Variants in MAML3 observed in about 807,000 individuals in gnomAD.
MAML3 encodes the protein mastermind like transcriptional coactivator 3.
Under a neutral mutation model 101.9 loss-of-function variants are expected in MAML3, and 27 were observed. The observed-to-expected ratio is 0.27, with a 90% CI of 0.20 to 0.37. The LOEUF (loss-of-function observed/expected upper bound fraction) is 0.37, where lower values mean the gene tolerates loss of function less well. MAML3 is among the 10% of genes least tolerant of loss of function. MAML3 has a pLI of 1.00. For missense variants in MAML3, 1,316 were observed against 1,444.9 expected, an observed-to-expected ratio of 0.91 and a Z score of 1.45; for synonymous variants, 501 against 555.9, an observed-to-expected ratio of 0.90 and a Z score of 1.39.
chr4:139,833,501 A>G (rs748688670), intron 2 of MAML3, among the ~76,000 whole-genome samples: 78 of 152,216 alleles, frequency 5.1e-4, no homozygotes, highest in Non-Finnish European at 8.7e-4. Flanking sequence ...TGGGAGGAAG[A>G]AGGGGGGCAG....
At chr4:140,010,912 G>A (rs1159477139) in intron 1 of MAML3, among the ~76,000 whole-genome samples, 2 of 151,682 alleles carry the variant, frequency 1.3e-5, no homozygotes, top group African/African-American at 4.8e-5. Context: ...AGACCAGCCT[G>A]GCCAACATGG....
intron 1 of MAML3, among the ~76,000 whole-genome samples, chr4:140,101,832 G>T (rs1178006340): frequency 6.6e-6 from 1 of 151,200 alleles, no homozygotes; most frequent in East Asian, 1.9e-4. Flanking sequence ...GCAATTCCAC[G>T]TGCTGGGTCA....
intron 2 of MAML3, among the ~76,000 whole-genome samples, chr4:139,841,004 C>A (rs1341909662): frequency 1.3e-5 from 2 of 152,102 alleles, no homozygotes; most frequent in African/African-American, 4.8e-5. Flanking sequence ...CAAAATGAAC[C>A]AAGGATTCTG....
In MAML3 at chr4:140,146,395, T is replaced by C. The variant is rs143570173; in HGVS notation, c.468+6465A>G. On this transcript the variant is annotated intron_variant, in intron 1 of 4. Transcript: ENST00000509479. ...AAAGTGTGCTCCTTCTCTGATCCAC[T>C]GAATGGAACCCCATGATCTTTAAGT... 8.8e-4 allele frequency among the ~76,000 whole-genome samples: 134 copies of C among 152,316 alleles called. 2 individuals carry two copies. In the East Asian group the frequency reaches 0.024, roughly 28 times the overall value.
chr4:140,000,451 T>A (rs1007711066), intron 1 of MAML3, among the ~76,000 whole-genome samples: 2 of 152,060 alleles, frequency 1.3e-5, no homozygotes, highest in South Asian at 4.2e-4. Context: ...CAATACTAGC[T>A]CCTTAAAGGC....
At chr4:140,091,970 A>T (rs1343258257) in intron 1 of MAML3, among the ~76,000 whole-genome samples, 1 of 151,724 alleles carries the variant, frequency 6.6e-6, no homozygotes, top group Admixed American at 6.6e-5. Flanking sequence ...TCCTATCTTC[A>T]AACGAGACTA....
chr4:139,890,719 A>T lies in MAML3; in HGVS notation c.717T>A (p.Leu239=). The T allele has an allele frequency of 6.2e-7, 1 of 1,614,042 alleles. No homozygotes were observed. The highest frequency in any genetic ancestry group is 8.5e-7 in the Non-Finnish European group (1 of 1,179,906). Reference sequence around the variant, plus strand: ...TACCATTCTTACTTAGATCTTCTAGAAGCCCAGGAGTGTGAGTTCCACTGT... The same window carrying T: ...TACCATTCTTACTTAGATCTTCTAGTAGCCCAGGAGTGTGAGTTCCACTGT... ...LQNSGTHTPG[L]LEDLSKNGRL... The change falls in exon 2 of 5, where the codon CTT becomes CTA. Residue 239 remains leucine, a synonymous_variant. Coordinates refer to ENST00000509479, the MANE Select transcript of MAML3 (RefSeq NM_018717.5). The surrounding 1 kb of genome is among the most constrained non-coding windows in gnomAD (Gnocchi z 4.1).
chr4:140,040,646 A>G (rs1297725948), intron 1 of MAML3, among the ~76,000 whole-genome samples: 1 of 152,236 alleles, frequency 6.6e-6, no homozygotes, highest in Non-Finnish European at 1.5e-5. Flanking sequence ...ACAAAAGGAC[A>G]TTATAATTTT....
At chr4:139,855,364 G>A (rs1731638577) in intron 2 of MAML3, among the ~76,000 whole-genome samples, 1 of 152,202 alleles carries the variant, frequency 6.6e-6, no homozygotes, top group Non-Finnish European at 1.5e-5. Flanking sequence ...GTTTATCAAT[G>A]TATATATTAG....
intron 1 of MAML3, among the ~76,000 whole-genome samples, chr4:139,960,040 C>T (rs1390972926): frequency 2.0e-5 from 3 of 152,146 alleles, no homozygotes; most frequent in East Asian, 1.9e-4. Flanking sequence ...GATCCAAGTA[C>T]ATGCTTGTCC....
intron 1 of MAML3, among the ~76,000 whole-genome samples, chr4:140,074,250 A>AAAGG (rs1178552008): frequency 2.0e-5 from 3 of 149,882 alleles, no homozygotes; most frequent in African/African-American, 7.4e-5. Flanking sequence ...AGAAAGAAAG[A>AAAGG]AAGAAAGAAA....
At chr4:140,031,604 T>C (rs1726910220) in intron 1 of MAML3, among the ~76,000 whole-genome samples, 1 of 152,260 alleles carries the variant, frequency 6.6e-6, no homozygotes, top group Non-Finnish European at 1.5e-5. Context: ...ATATTGGTTA[T>C]ACAAAGATCT....
chr4:139,830,576 T>C (rs564314026), intron 2 of MAML3, among the ~76,000 whole-genome samples: 1 of 151,312 alleles, frequency 6.6e-6, no homozygotes. Context: ...CACCACGCCA[T>C]GCTAATTTTT....
chr4:139,773,719 T>C (rs1451394236), intron 2 of MAML3, among the ~76,000 whole-genome samples: 1 of 152,140 alleles, frequency 6.6e-6, no homozygotes, highest in Non-Finnish European at 1.5e-5. Flanking sequence ...AGTGAATCTG[T>C]GGAGTCTGAA....
At chr4:140,019,735 A>G (rs1218926464) in intron 1 of MAML3, among the ~76,000 whole-genome samples, 1 of 152,188 alleles carries the variant, frequency 6.6e-6, no homozygotes, top group African/African-American at 2.4e-5. Context: ...CTTTTCACAA[A>G]GACTGCAAGG....
intron 2 of MAML3, among the ~76,000 whole-genome samples, chr4:139,868,261 G>T (rs1010491233): frequency 6.6e-6 from 1 of 152,176 alleles, no homozygotes; most frequent in Non-Finnish European, 1.5e-5. Context: ...AATCTGCAAG[G>T]CATACTACCT....
chr4:139,719,126 G>T lies in MAML3; in HGVS notation c.*197C>A. 1.7e-6 allele frequency: 1 copy of T among 598,720 alleles called. No homozygotes were observed. The highest frequency in any genetic ancestry group is 2.8e-6 in the Non-Finnish European group (1 of 355,040). The allele number at this position is 598,720 out of a possible 1,614,324, so 37.1% of individuals were successfully genotyped here. Reference sequence around the variant, plus strand: ...ATCTGCATGGCGTCTCATCTCGATTGCTGTGTGAAAATCAGGTGAAATGAG... The same window carrying T: ...ATCTGCATGGCGTCTCATCTCGATTTCTGTGTGAAAATCAGGTGAAATGAG... On this transcript the variant is annotated 3_prime_UTR_variant, in exon 5 of 5. Transcript: ENST00000509479.
At chr4:139,872,970 A>T (rs956771742) in intron 2 of MAML3, among the ~76,000 whole-genome samples, 4 of 152,020 alleles carry the variant, frequency 2.6e-5, no homozygotes, top group African/African-American at 9.7e-5. Context: ...AATCCCAGCT[A>T]CTCAGGAGAC....
At chr4:139,928,086 T>C (rs1340769502) in intron 1 of MAML3, among the ~76,000 whole-genome samples, 1 of 152,224 alleles carries the variant, frequency 6.6e-6, no homozygotes, top group Non-Finnish European at 1.5e-5. Context: ...TGTGTGTATA[T>C]ATGTACATTT....
Sources: allele counts gnomAD v4.1 joint callset (sites outside exome capture counted in the v4.1 genomes callset), GRCh38; gene constraint gnomAD v4.1.1; non-coding constraint Gnocchi (gnomAD v3.1); transcripts MANE v1.5; gene names NCBI Gene and HGNC (gene_info 2026-07-23, HGNC 2026-07-21).